Variants in RIPOR2 observed in about 807,000 individuals in gnomAD.
RIPOR2 encodes rho family-interacting cell polarization regulator 2.
In RIPOR2, 39 loss-of-function variants were observed where a neutral mutation model predicts 114.5. That is an observed-to-expected ratio of 0.34 (90% CI 0.26 to 0.44). The LOEUF is 0.44. Ranked by LOEUF, RIPOR2 falls within the 20% of genes least tolerant of loss-of-function variation. RIPOR2 has a pLI of 1.00. For missense variants in RIPOR2, 1,007 were observed against 1,255.1 expected (o/e 0.80, Z 2.99); for synonymous variants, 445 against 484.4 (o/e 0.92, Z 1.07).
intron 1 of RIPOR2, among the ~76,000 whole-genome samples, chr6:25,009,806 C>T (rs746534811): frequency 2.0e-5 from 3 of 152,142 alleles, no homozygotes; most frequent in Non-Finnish European, 2.9e-5. Flanking sequence ...AAGGAAAGAA[C>T]GATACTTCCT....
rs2113672810 is a variant in RIPOR2, at chr6:24,828,151, T to C, written c.2651A>G (p.Gln884Arg). 6.5e-7 allele frequency: 1 copy of C among 1,547,730 alleles called. No individual in the cohort carries two copies. Residue 884 changes from glutamine to arginine, a missense_variant, in exon 18 of 22, where the codon CAG becomes CGG. Gln to Arg is a conservative substitution (Grantham distance 43). Coordinates refer to ENST00000643898, the MANE Select transcript of RIPOR2 (RefSeq NM_001286445.3). ...GVSDLESYLS[Q>R]LARQVSMVQT... ...ACATGTCCCACCTTGCCTGGCCAGC[T>C]GGCTCAGGTAACTCTCCAGGTCACT...
chr6:24,939,049 C>A (rs1771972342), upstream of RIPOR2, among the ~76,000 whole-genome samples: 1 of 152,130 alleles, frequency 6.6e-6, no homozygotes, highest in South Asian at 2.1e-4. Context: ...AGAGTGCCAG[C>A]AACAGTTTTA....
At chr6:24,861,306 G>T (rs905128273) in intron 7 of RIPOR2, among the ~76,000 whole-genome samples, 1 of 152,158 alleles carries the variant, frequency 6.6e-6, no homozygotes, top group Non-Finnish European at 1.5e-5. Flanking sequence ...TAGTCTATAG[G>T]AATTAGCATG....
At chr6:24,823,698 G>A (rs113470881) in intron 19 of RIPOR2, among the ~76,000 whole-genome samples, 3 of 152,184 alleles carry the variant, frequency 2.0e-5, no homozygotes. Context: ...TGCCCTAAAA[G>A]TAAAAGATGC....
chr6:25,038,962 C>T (rs1040893495), intron 1 of RIPOR2, among the ~76,000 whole-genome samples: 1 of 152,244 alleles, frequency 6.6e-6, no homozygotes, highest in African/African-American at 2.4e-5. Context: ...TGGTTGATTA[C>T]CAATGTCTGC....
intron 1 of RIPOR2, among the ~76,000 whole-genome samples, chr6:24,888,944 A>G (rs1310414780): frequency 6.6e-6 from 1 of 152,252 alleles, no homozygotes; most frequent in Admixed American, 6.5e-5. Context: ...AAACCCTTGC[A>G]ACATGAAGGT....
intron 21 of RIPOR2, among the ~76,000 whole-genome samples, chr6:24,808,762 C>CTT (rs10587871): frequency 3.8e-4 from 49 of 128,076 alleles, no homozygotes; most frequent in Admixed American, 8.1e-4. Flanking sequence ...ATACTTTTTT[C>CTT]TTTTTTTTTT....
chr6:25,013,471 T>C (rs1202371403), intron 1 of RIPOR2, among the ~76,000 whole-genome samples: 1 of 152,232 alleles, frequency 6.6e-6, no homozygotes, highest in African/African-American at 2.4e-5. Flanking sequence ...GGGGAGCACC[T>C]GCTTTGCCTG....
intron 1 of RIPOR2, among the ~76,000 whole-genome samples, chr6:25,002,198 A>T (rs1280455302): frequency 6.6e-6 from 1 of 152,236 alleles, no homozygotes; most frequent in African/African-American, 2.4e-5. Flanking sequence ...GTATGACTAG[A>T]GCATTCAGTA....
chr6:25,029,899 T>G (rs1776837819), intron 1 of RIPOR2, among the ~76,000 whole-genome samples: 1 of 152,218 alleles, frequency 6.6e-6, no homozygotes, highest in African/African-American at 2.4e-5. Flanking sequence ...CTCTTTCCCT[T>G]CTGTGTGCAG....
In RIPOR2 at chr6:24,850,652, C is replaced by T; in HGVS notation, c.830G>A (p.Trp277Ter). ...GKIEVNGKQSWDGEETVFLPL... is the reference protein window; with the variant it reads ...GKIEVNGKQS ...CAGAAAAACTGTTTCTTCTCCATCC[C>T]AGCTCTGCTTGCCATTTACTTCTAT... is the stretch of plus-strand genomic sequence containing the variant. Residue 277 changes from tryptophan (W) to a stop codon, truncating the protein, a stop_gained, in exon 10 of 22, where the codon TGG becomes TAG. Transcript: ENST00000643898. LOFTEE classifies it high-confidence loss of function. 4 of 1,613,900 alleles carry T rather than the reference C, an allele frequency of 2.5e-6. No individual in the cohort carries two copies. The highest frequency in any genetic ancestry group is 1.1e-5 in the South Asian group (1 of 91,088).
At chr6:25,024,335 C>G (rs1776496843) in intron 1 of RIPOR2, 1 of 1,453,530 alleles carries the variant, frequency 6.9e-7, no homozygotes, top group Non-Finnish European at 9.6e-7. Context: ...TCAGTGCCTT[C>G]TTCCTGGCTT....
chr6:24,958,542 A>C (rs1418962922), intron 1 of RIPOR2, among the ~76,000 whole-genome samples: 2 of 152,204 alleles, frequency 1.3e-5, no homozygotes, highest in African/African-American at 4.8e-5. Context: ...AGAAGAAATG[A>C]AAGATTTCTT....
At chr6:25,023,800 GA>G in intron 1 of RIPOR2, 1 of 774,778 alleles carries the variant, frequency 1.3e-6, no homozygotes, top group Non-Finnish European at 2.3e-6. Context: ...CCTTCACGGG[GA>G]CCCCTTTTTT....
At chr6:24,924,557 C>T (rs1290921352) in intron 1 of RIPOR2, among the ~76,000 whole-genome samples, 1 of 152,152 alleles carries the variant, frequency 6.6e-6, no homozygotes, top group East Asian at 1.9e-4. Flanking sequence ...CAACCCAAGG[C>T]ATTCTGTCTT....
chr6:25,015,255 C>T (rs1468637712), intron 1 of RIPOR2: 2 of 152,174 alleles, frequency 1.3e-5, no homozygotes, highest in African/African-American at 4.8e-5. Context: ...TTGTGTGAAT[C>T]CAGGAGGGAA....
intron 1 of RIPOR2, among the ~76,000 whole-genome samples, chr6:24,889,974 C>T (rs1188463274): frequency 2.0e-5 from 3 of 152,158 alleles, no homozygotes; most frequent in South Asian, 2.1e-4. Flanking sequence ...TCACTGCAAC[C>T]TCTGCCTCCC....
chr6:24,996,110 T>C (rs6935286), intron 1 of RIPOR2, among the ~76,000 whole-genome samples: 56,811 of 152,104 alleles, frequency 0.37, 10,844 homozygotes, highest in South Asian at 0.43. Context: ...CCTAGAGTGA[T>C]ATTTTTAACC....
intron 7 of RIPOR2, among the ~76,000 whole-genome samples, chr6:24,863,189 G>C (rs933429489): frequency 1.1e-4 from 16 of 152,234 alleles, no homozygotes; most frequent in African/African-American, 3.9e-4. Context: ...CTGACCTCAA[G>C]TGAACCTCCC....
Sources: allele counts gnomAD v4.1 joint callset (sites outside exome capture counted in the v4.1 genomes callset), GRCh38; gene constraint gnomAD v4.1.1; transcripts MANE v1.5; gene names NCBI Gene and HGNC (gene_info 2026-07-23, HGNC 2026-07-21).